STRN: variants seen among roughly 807,000 people sequenced by gnomAD.
STRN encodes striatin.
In STRN, 53 loss-of-function variants were observed where a neutral mutation model predicts 96.3. The ratio of observed to expected loss-of-function variants is 0.55; its 90% CI spans 0.44 to 0.69. The LOEUF (loss-of-function observed/expected upper bound fraction) is 0.69, where lower values mean the gene tolerates loss of function less well. Among genes scored for constraint, STRN ranks in the 30% least tolerant of loss-of-function variants. The pLI is 0.00. For missense variants in STRN, 987 were observed against 963.9 expected, an observed-to-expected ratio of 1.02 and a Z score of -0.32; for synonymous variants, 428 against 355.9, an observed-to-expected ratio of 1.20 and a Z score of -2.28.
chr2:36,893,692 TG>T (rs1212026012), intron 7 of STRN, among the ~76,000 whole-genome samples: 6 of 151,892 alleles, frequency 4.0e-5, no homozygotes, highest in African/African-American at 1.5e-4. Context: ...GTATTGTTGT[TG>T]TTTTTTTTTC....
chr2:36,909,399 C>G (rs1193537048), intron 3 of STRN, among the ~76,000 whole-genome samples: 3 of 151,904 alleles, frequency 2.0e-5, no homozygotes, highest in African/African-American at 4.8e-5. Context: ...TATTTCCTGT[C>G]AAATTAGGGT....
intron 3 of STRN, among the ~76,000 whole-genome samples, chr2:36,907,718 G>GT (rs1340253474): frequency 7.2e-5 from 11 of 152,092 alleles, no homozygotes; most frequent in Admixed American, 5.2e-4. Flanking sequence ...AAACACAATT[G>GT]TAAGTGTTGA....
intron 1 of STRN, among the ~76,000 whole-genome samples, chr2:36,965,107 CTCT>C (rs72170984): frequency 0.063 from 9,521 of 152,144 alleles, 407 homozygotes; most frequent in East Asian, 0.13. Context: ...CAGATTTCTC[CTCT>C]TCTTTTTTTT....
rs1341577647 is a variant in STRN at position 36,841,209 on chromosome 2, A to G, written c.*8247T>C. The G allele has an allele frequency of 6.7e-6, 1 of 148,186 alleles. No homozygotes were observed. Among genetic ancestry groups the G allele is most frequent in the Non-Finnish European group, 1.5e-5 (1 of 67,108 alleles). The allele number at this position is 148,186 out of a possible 1,614,324, so 9.2% of individuals were successfully genotyped here. On this transcript the variant is annotated 3_prime_UTR_variant, in exon 18 of 18. Coordinates refer to ENST00000263918, the MANE Select transcript of STRN (RefSeq NM_003162.4). ...AAATCGATTCTGACAAAAGGAGTTT[A>G]TTGTCTTGCTTGTTAAAAGGCTGAC...
chr2:36,919,783 T>G (rs1670201969), intron 2 of STRN, among the ~76,000 whole-genome samples: 1 of 152,144 alleles, frequency 6.6e-6, no homozygotes, highest in Admixed American at 6.5e-5. Flanking sequence ...AGAGAGAAAT[T>G]TTAAAAATGG....
Position 36,849,291 on chromosome 2 carries a change from A to G in STRN, c.*165T>C. 1.3e-6 allele frequency: 1 copy of G among 798,196 alleles called. No homozygotes were observed. The allele number at this position is 798,196 out of a possible 1,614,324, so 49.4% of individuals were successfully genotyped here. On this transcript the variant is annotated 3_prime_UTR_variant, in exon 18 of 18. Transcript: ENST00000263918. ...AGCAACCTGAACAAACCTTAGTTTT[A>G]GAAAACAGTATATGAATTGCAAAAC...
chr2:36,876,025 G>C (rs1405445952), intron 10 of STRN, among the ~76,000 whole-genome samples: 1 of 152,120 alleles, frequency 6.6e-6, no homozygotes, highest in Admixed American at 6.6e-5. Flanking sequence ...CCAGCATTTA[G>C]TGGGAGGCTG....
intron 9 of STRN, among the ~76,000 whole-genome samples, chr2:36,881,072 A>G (rs1251624501): frequency 6.6e-6 from 1 of 151,936 alleles, no homozygotes; most frequent in African/African-American, 2.4e-5. Flanking sequence ...TTACCAAAAA[A>G]CAAAACAAAA....
At chr2:36,948,933 G>C (rs1161347743) in intron 1 of STRN, among the ~76,000 whole-genome samples, 1 of 152,188 alleles carries the variant, frequency 6.6e-6, no homozygotes, top group East Asian at 1.9e-4. Context: ...TATGATTTAT[G>C]TACAAAGCAA....
rs1405184245 is a variant in STRN at position 36,869,534 on chromosome 2, T to C, written c.1499+20A>G. Reference sequence around the variant, plus strand: ...TGTTACTTAAAATATTCAAATAATGTTAAAGTAGAATATTCTCACTTTTTG... The same window carrying C: ...TGTTACTTAAAATATTCAAATAATGCTAAAGTAGAATATTCTCACTTTTTG... On this transcript the variant is annotated intron_variant, in intron 11 of 17. Coordinates refer to ENST00000263918, the MANE Select transcript of STRN (RefSeq NM_003162.4). The C allele has an allele frequency of 2.0e-6, 3 of 1,482,172 alleles. No homozygotes were observed. The highest frequency in any genetic ancestry group is 2.9e-5 in the African/African-American group (2 of 69,936). The allele number at this position is 1,482,172 out of a possible 1,614,324, so 91.8% of individuals were successfully genotyped here. A position where few individuals can be genotyped will look rare whatever the true frequency, so the allele number is the denominator to read the frequency against.
chr2:36,911,011 T>C (rs1358411348), intron 3 of STRN, among the ~76,000 whole-genome samples: 1 of 152,070 alleles, frequency 6.6e-6, no homozygotes, highest in African/African-American at 2.4e-5. Flanking sequence ...TTTAGGAAAA[T>C]ATGGTAAATA....
rs1668090932 is a variant in STRN, at chr2:36,846,858, T to C, written c.*2598A>G. The C allele has an allele frequency of 6.6e-6, 1 of 152,008 alleles. No homozygotes were observed. Among genetic ancestry groups the C allele is most frequent in the Non-Finnish European group, 1.5e-5 (1 of 67,990 alleles). 9.4% of individuals were successfully genotyped at this position (152,008 alleles called of 1,614,324 possible). On this transcript the variant is annotated 3_prime_UTR_variant, in exon 18 of 18. Coordinates refer to ENST00000263918, the MANE Select transcript of STRN (RefSeq NM_003162.4). ...GAGATGTATCCACAGCATATGAAAA[T>C]AAGGCAGGGATCCAAACCTCCCGCT...
In STRN at chr2:36,845,577, G is replaced by A. The variant is rs937805709; in HGVS notation, c.*3879C>T. 1 of 151,978 alleles carries A rather than the reference G, an allele frequency of 6.6e-6. No individual in the cohort carries two copies. Among genetic ancestry groups the A allele is most frequent in the Non-Finnish European group, 1.5e-5 (1 of 67,970 alleles). The allele number at this position is 151,978 out of a possible 1,614,324, so 9.4% of individuals were successfully genotyped here. On this transcript the variant is annotated 3_prime_UTR_variant, in exon 18 of 18. Coordinates refer to ENST00000263918, the MANE Select transcript of STRN (RefSeq NM_003162.4). ...CTTCATGACATGCTGTTTTGTAAGA[G>A]GGAAATATATGAAGTATTAAAAAGT...
intron 1 of STRN, among the ~76,000 whole-genome samples, chr2:36,931,659 T>C (rs1429378968): frequency 6.6e-6 from 1 of 152,214 alleles, no homozygotes; most frequent in Non-Finnish European, 1.5e-5. Context: ...CTAAGACATA[T>C]GTGTACCAGT....
Position 36,857,875 on chromosome 2 carries a change from A to T in STRN, c.1818T>A (p.Ser606Arg). 1 of 1,614,040 alleles carries T rather than the reference A, an allele frequency of 6.2e-7. No individual in the cohort carries two copies. The change falls in exon 14 of 18, where the codon AGT becomes AGA. Residue 606 changes from serine (S) to arginine (R), a missense_variant. Ser to Arg is a moderately radical substitution (Grantham distance 110, BLOSUM62 -1). Coordinates refer to ENST00000263918, the MANE Select transcript of STRN (RefSeq NM_003162.4). ...ATGTACCTTTAGTATCATTAAATAC[A>T]CTTAGTGCTGGAGCAACCTCAGTTG... ...WNTTEVAPAL[S>R]VFNDTKELGI...
intron 9 of STRN, among the ~76,000 whole-genome samples, chr2:36,878,791 C>A (rs1281229470): frequency 1.3e-5 from 2 of 151,782 alleles, no homozygotes; most frequent in African/African-American, 4.8e-5. Flanking sequence ...CTCGTTCTGT[C>A]ACCCAGGCTG....
chr2:36,916,385 C>T (rs541942878), intron 2 of STRN, among the ~76,000 whole-genome samples: 2 of 152,040 alleles, frequency 1.3e-5, no homozygotes, highest in South Asian at 2.1e-4. Context: ...CTCTGGGAAT[C>T]ATTAACTCTT....
intron 3 of STRN, among the ~76,000 whole-genome samples, chr2:36,911,452 A>C (rs1299700878): frequency 6.6e-6 from 1 of 152,168 alleles, no homozygotes; most frequent in Non-Finnish European, 1.5e-5. Flanking sequence ...TGTCAAATCC[A>C]GCCTATCACC....
chr2:36,939,610 T>A (rs1670795888), intron 1 of STRN, among the ~76,000 whole-genome samples: 1 of 151,318 alleles, frequency 6.6e-6, no homozygotes. Flanking sequence ...CCCAAACTCC[T>A]GAGCTCAAGC....
Sources: allele counts gnomAD v4.1 joint callset (sites outside exome capture counted in the v4.1 genomes callset), GRCh38; gene constraint gnomAD v4.1.1; transcripts MANE v1.5; gene names NCBI Gene and HGNC (gene_info 2026-07-23, HGNC 2026-07-21).